The following RAB31 variants were observed in gnomAD, a reference collection of about 807,000 sequenced individuals.
The protein encoded by RAB31 is ras-related protein Rab-31.
RAB31 carries 21 observed loss-of-function variants against 25.6 expected under a neutral mutation model. The ratio of observed to expected loss-of-function variants is 0.82; its 90% CI spans 0.58 to 1.18. RAB31 has a LOEUF of 1.18. RAB31 is among the 50% of genes most tolerant of loss of function. The pLI is 0.00. For missense variants in RAB31, 196 were observed against 250.1 expected, an observed-to-expected ratio of 0.78 and a Z score of 1.46; for synonymous variants, 87 against 84.0, an observed-to-expected ratio of 1.04 and a Z score of -0.20.
chr18:9,837,863 T>C (rs2068713182), intron 5 of RAB31, among the ~76,000 whole-genome samples: 1 of 152,206 alleles, frequency 6.6e-6, no homozygotes, highest in African/African-American at 2.4e-5. Flanking sequence ...CCCCTCATGC[T>C]TCTATGGAAT....
chr18:9,814,781 C>T (rs8082842), intron 4 of RAB31: 84,188 of 178,272 alleles, frequency 0.47, 21,412 homozygotes, highest in East Asian at 0.97. Context: ...TATGTTTCTT[C>T]CTTGGTGTAA....
chr18:9,767,008 G>A (rs961969794), intron 1 of RAB31, among the ~76,000 whole-genome samples: 3 of 152,152 alleles, frequency 2.0e-5, no homozygotes, highest in South Asian at 4.2e-4. Flanking sequence ...AAGTATGTAA[G>A]CCTTAAAGTC....
intron 5 of RAB31, among the ~76,000 whole-genome samples, chr18:9,829,761 C>G (rs1296139569): frequency 6.6e-6 from 1 of 152,124 alleles, no homozygotes; most frequent in Non-Finnish European, 1.5e-5. Context: ...TTCCTAATTA[C>G]CTATAAAGTT....
At chr18:9,756,765 C>G (rs2068262130) in intron 1 of RAB31, among the ~76,000 whole-genome samples, 1 of 152,216 alleles carries the variant, frequency 6.6e-6, no homozygotes, top group East Asian at 1.9e-4. Context: ...AAAAATGCAG[C>G]AAATGAATGA....
intron 6 of RAB31, chr18:9,856,214 C>G (rs1471515532): frequency 6.6e-6 from 1 of 152,156 alleles, no homozygotes; most frequent in Admixed American, 6.5e-5. Flanking sequence ...GCTAAGAGTT[C>G]AAAACATGCA....
In RAB31 at chr18:9,814,095, A is replaced by G. The variant is rs750785533; in HGVS notation, c.273+4A>G. On this transcript the variant is annotated splice_donor_region_variant and intron_variant, in intron 4 of 6. Transcript: ENST00000578921. ...CGTGTATGATATTACCAAGCAGGTA[A>G]GAATGTCTCCTTCAGAATTTAGATG... 3 of 1,560,254 alleles carry G rather than the reference A, an allele frequency of 1.9e-6. No homozygotes were observed. The highest frequency in any genetic ancestry group is 2.6e-6 in the Non-Finnish European group (3 of 1,140,208).
chr18:9,726,510 A>G (rs1035014639), intron 1 of RAB31, among the ~76,000 whole-genome samples: 3 of 152,014 alleles, frequency 2.0e-5, no homozygotes, highest in African/African-American at 4.8e-5. Context: ...CTTGCCTGGC[A>G]TGTAATATTC....
chr18:9,819,992 A>G (rs1179803644), intron 5 of RAB31, among the ~76,000 whole-genome samples: 1 of 152,016 alleles, frequency 6.6e-6, no homozygotes, highest in East Asian at 1.9e-4. Context: ...ACAAGATTAT[A>G]TTATCTGGGA....
chr18:9,845,907 C>CT (rs2068759608), intron 6 of RAB31, among the ~76,000 whole-genome samples: 1 of 152,186 alleles, frequency 6.6e-6, no homozygotes, highest in Non-Finnish European at 1.5e-5. Flanking sequence ...CCTGTTCACT[C>CT]TGAGTTCTGT....
At chr18:9,800,560 C>A (rs1369880513) in intron 3 of RAB31, among the ~76,000 whole-genome samples, 1 of 152,176 alleles carries the variant, frequency 6.6e-6, no homozygotes, top group Non-Finnish European at 1.5e-5. Flanking sequence ...GCAGGGAGTT[C>A]TTTCCCTGAC....
chr18:9,774,546 T>G (rs2068362204), intron 1 of RAB31, among the ~76,000 whole-genome samples: 2 of 152,228 alleles, frequency 1.3e-5, no homozygotes, highest in South Asian at 4.1e-4. Flanking sequence ...CCTCCTGGAT[T>G]TTGTTGATAT....
At chr18:9,738,600 C>A (rs1461830105) in intron 1 of RAB31, among the ~76,000 whole-genome samples, 2 of 152,224 alleles carry the variant, frequency 1.3e-5, no homozygotes, top group Non-Finnish European at 2.9e-5. Flanking sequence ...AAGTCCCACA[C>A]CCCTTCCCAC....
intron 3 of RAB31, among the ~76,000 whole-genome samples, chr18:9,798,916 C>T (rs1411172555): frequency 1.3e-5 from 2 of 152,154 alleles, no homozygotes; most frequent in African/African-American, 2.4e-5. Context: ...GGTGAAACCC[C>T]GTTTCTACTA....
chr18:9,785,602 A>G (rs1461105863), intron 2 of RAB31, among the ~76,000 whole-genome samples: 1 of 152,214 alleles, frequency 6.6e-6, no homozygotes, highest in Non-Finnish European at 1.5e-5. Context: ...TACCTGCCCA[A>G]GGCAGGACTC....
chr18:9,789,077 T>C (rs1221235091), intron 2 of RAB31, among the ~76,000 whole-genome samples: 2 of 152,232 alleles, frequency 1.3e-5, no homozygotes, highest in Admixed American at 6.5e-5. Flanking sequence ...CTGTCATTCA[T>C]GGCAACATGG....
chr18:9,805,126 T>G (rs117237337), intron 3 of RAB31, among the ~76,000 whole-genome samples: 4,719 of 151,736 alleles, frequency 0.031, 91 homozygotes, highest in Non-Finnish European at 0.046. Context: ...TGTGGTGACA[T>G]GCAGCTGTAG....
intron 2 of RAB31, among the ~76,000 whole-genome samples, chr18:9,791,062 G>GA (rs1012169809): frequency 4.0e-5 from 6 of 151,850 alleles, no homozygotes; most frequent in Admixed American, 6.6e-5. Context: ...TAGAAGGGAG[G>GA]AAAAAAAATC....
chr18:9,718,636 G>C (rs569416429), intron 1 of RAB31, among the ~76,000 whole-genome samples: 71 of 152,298 alleles, frequency 4.7e-4, no homozygotes, highest in Non-Finnish European at 8.8e-4. Context: ...TTTTTGGGCT[G>C]TTATAGTAAA....
chr18:9,801,460 T>C (rs1393324785), intron 3 of RAB31, among the ~76,000 whole-genome samples: 2 of 152,126 alleles, frequency 1.3e-5, no homozygotes, highest in Admixed American at 6.6e-5. Flanking sequence ...TTTTTGTATT[T>C]TTAGTAGAGA....
Sources: gnomAD v4.1 joint callset for allele counts (sites outside exome capture counted in the v4.1 genomes callset) on GRCh38, gnomAD v4.1.1 for gene constraint, MANE v1.5 for transcripts, NCBI Gene and HGNC (gene_info 2026-07-23, HGNC 2026-07-21) for gene names.